Variants in CDC42BPA observed in about 807,000 individuals in gnomAD.
CDC42BPA encodes the protein CDC42 binding protein kinase alpha, also known as serine/threonine-protein kinase MRCK alpha.
A neutral mutation model predicts 223.5 loss-of-function variants in CDC42BPA; 80 were observed. The observed-to-expected ratio is 0.36, with a 90% CI of 0.30 to 0.43. The LOEUF is 0.43. CDC42BPA is among the 20% of genes least tolerant of loss of function. The probability of loss-of-function intolerance (pLI) is 1.00; values close to 1 mark genes in which losing one functional copy is unlikely to be tolerated. For synonymous variants in CDC42BPA, 694 were observed against 718.6 expected (o/e 0.97, Z 0.55); for missense variants, 1,743 against 2,099.9 (o/e 0.83, Z 3.32).
chr1:227,272,088 T>A (rs544439299), intron 1 of CDC42BPA, among the ~76,000 whole-genome samples: 1 of 152,336 alleles, frequency 6.6e-6, no homozygotes, highest in South Asian at 2.1e-4. Flanking sequence ...ACTTTGTTTA[T>A]CTTTTTAAAA....
rs532797808 is a variant in CDC42BPA, at chr1:227,217,707, G to A, written c.271-4488C>T. On this transcript the variant is annotated intron_variant, in intron 2 of 36. Coordinates refer to ENST00000366766, the MANE Select transcript of CDC42BPA (RefSeq NM_001394014.1). ...CTGGCCCTCCACCTTCCCTGACCTCGTGCTACTCTCCCCCTGGTTCACTAT... is the reference window on the plus strand; with the variant it reads ...CTGGCCCTCCACCTTCCCTGACCTCATGCTACTCTCCCCCTGGTTCACTAT... Among the ~76,000 whole-genome samples, 11 of 152,042 alleles carry A rather than the reference G, an allele frequency of 7.2e-5. No homozygotes were observed. The East Asian group carries it at 1.2e-3, about 16-fold the overall frequency.
intron 12 of CDC42BPA, 28 bp downstream of exon 12, chr1:227,119,776 G>A (rs1367195572): frequency 6.9e-7 from 1 of 1,439,558 alleles, no homozygotes; most frequent in African/African-American, 1.4e-5. Context: ...TAGAGAAAAA[G>A]CTTTAATGAT....
chr1:227,296,784 C>G (rs1395664906), intron 1 of CDC42BPA, among the ~76,000 whole-genome samples: 3 of 146,230 alleles, frequency 2.1e-5, no homozygotes, highest in African/African-American at 7.5e-5. Flanking sequence ...GCAATGGGTT[C>G]TTAAATATCA....
chr1:227,168,289 T>G (rs1476010038), intron 5 of CDC42BPA, among the ~76,000 whole-genome samples: 1 of 152,152 alleles, frequency 6.6e-6, no homozygotes, highest in Admixed American at 6.5e-5. Context: ...GAAGGATATT[T>G]TCACTGGATA....
In CDC42BPA at chr1:227,023,213, AAAT is replaced by A. The variant is rs59672567; in HGVS notation, c.4615+47_4615+49del. 8.1e-3 allele frequency: 7,421 copies of A among 911,862 alleles called. 331 individuals carry two copies. The African/African-American group carries it at 0.1, about 13-fold the overall frequency. 56.5% of individuals were successfully genotyped at this position (911,862 alleles called of 1,614,324 possible). On this transcript the variant is annotated intron_variant, in intron 32 of 36. Coordinates refer to ENST00000366766, the MANE Select transcript of CDC42BPA (RefSeq NM_001394014.1). ...ATGTGACCTTGGGCAGTTAGCTTAG[AAAT>A]AATATTTCCAATGAAGCTATCCCTA...
intron 2 of CDC42BPA, among the ~76,000 whole-genome samples, chr1:227,231,864 T>A (rs1198840954): frequency 1.3e-5 from 2 of 152,160 alleles, no homozygotes; most frequent in African/African-American, 2.4e-5. Context: ...GTTTGAGTTC[T>A]TTGTAGATTC....
chr1:227,092,232 CTAGGTGCCAAGG>C (rs1298246875), intron 15 of CDC42BPA, among the ~76,000 whole-genome samples: 1 of 152,158 alleles, frequency 6.6e-6, no homozygotes, highest in Non-Finnish European at 1.5e-5. Flanking sequence ...GGAGTGCTTA[CTAGGTGCCAAGG>C]AATTGTTGCA....
At chr1:227,010,355 T>A (rs988240995) in intron 34 of CDC42BPA, among the ~76,000 whole-genome samples, 3 of 152,240 alleles carry the variant, frequency 2.0e-5, no homozygotes, top group African/African-American at 4.8e-5. Flanking sequence ...TTTTTGTTAC[T>A]CATTAATATT....
chr1:227,059,325 G>A, intron 21 of CDC42BPA: 1 of 1,489,098 alleles, frequency 6.7e-7, no homozygotes, highest in Non-Finnish European at 9.2e-7. Context: ...GGATGAGAGA[G>A]GGGTAAAAGG....
At chr1:227,163,517 A>G (rs1664478641) in intron 5 of CDC42BPA, among the ~76,000 whole-genome samples, 1 of 147,486 alleles carries the variant, frequency 6.8e-6, no homozygotes, top group African/African-American at 2.5e-5. Flanking sequence ...GAATCTTTTC[A>G]TATTATCACT....
chr1:227,148,944 T>A, intron 6 of CDC42BPA, among the ~76,000 whole-genome samples: 1 of 152,036 alleles, frequency 6.6e-6, no homozygotes, highest in East Asian at 1.9e-4. Context: ...AATTGTTGGT[T>A]TTCATTTCCT....
intron 2 of CDC42BPA, among the ~76,000 whole-genome samples, chr1:227,230,540 TGTTAG>T (rs1388184881): frequency 6.6e-6 from 1 of 152,122 alleles, no homozygotes; most frequent in Non-Finnish European, 1.5e-5. Context: ...TCTTATGCAT[TGTTAG>T]GTTAATTCCC....
chr1:227,172,821 C>T (rs565240117), intron 5 of CDC42BPA, among the ~76,000 whole-genome samples: 1 of 152,242 alleles, frequency 6.6e-6, no homozygotes, highest in South Asian at 2.1e-4. Flanking sequence ...TCTCATTATC[C>T]TGTTATATAT....
At chr1:227,099,605 CCT>C (rs1215806167) in intron 15 of CDC42BPA, among the ~76,000 whole-genome samples, 2 of 152,234 alleles carry the variant, frequency 1.3e-5, no homozygotes, top group East Asian at 1.9e-4. Flanking sequence ...GATGTGGCCC[CCT>C]GTTGCCTCCT....
At chr1:227,091,295 G>A (rs1683029482) in intron 16 of CDC42BPA, among the ~76,000 whole-genome samples, 1 of 152,204 alleles carries the variant, frequency 6.6e-6, no homozygotes, top group Admixed American at 6.5e-5. Context: ...GTGATTCCCA[G>A]TGTTGGAGGT....
intron 10 of CDC42BPA, among the ~76,000 whole-genome samples, chr1:227,133,996 T>A (rs940308469): frequency 6.6e-6 from 1 of 151,564 alleles, no homozygotes; most frequent in Non-Finnish European, 1.5e-5. Context: ...AATAAATAAA[T>A]AAAAAAGAAA....
intron 35 of CDC42BPA, among the ~76,000 whole-genome samples, chr1:226,998,160 G>C (rs1010877095): frequency 6.6e-6 from 1 of 152,126 alleles, no homozygotes; most frequent in African/African-American, 2.4e-5. Flanking sequence ...CAAACAAATG[G>C]AAAAACATTC....
intron 1 of CDC42BPA, among the ~76,000 whole-genome samples, chr1:227,299,903 A>G (rs1243558329): frequency 6.6e-6 from 1 of 152,318 alleles, no homozygotes; most frequent in African/African-American, 2.4e-5. Flanking sequence ...TCATAATGTT[A>G]AAGTAAATAA....
chr1:227,023,416 G>C, intron 31 of CDC42BPA, 69 bp from the exon 32 acceptor site: 1 of 756,610 alleles, frequency 1.3e-6, no homozygotes, highest in Non-Finnish European at 2.1e-6. Flanking sequence ...CTTTTGTCCT[G>C]CTTATAAAGC....
Sources: allele counts gnomAD v4.1 joint callset (sites outside exome capture counted in the v4.1 genomes callset), GRCh38; gene constraint gnomAD v4.1.1; transcripts MANE v1.5; gene names NCBI Gene and HGNC (gene_info 2026-07-23, HGNC 2026-07-21).